The following TCF7L2 variants were observed in gnomAD, a reference collection of about 807,000 sequenced individuals.
The protein encoded by TCF7L2 is transcription factor 7 like 2.
A neutral mutation model predicts 77.9 loss-of-function variants in TCF7L2; 23 were observed. The ratio of observed to expected loss-of-function variants is 0.30; its 90% CI spans 0.21 to 0.42. The LOEUF is 0.42. Ranked by LOEUF, TCF7L2 falls within the 10% of genes least tolerant of loss-of-function variation. TCF7L2 has a pLI of 1.00. For synonymous variants in TCF7L2, 413 were observed against 340.2 expected (o/e 1.21, Z -2.36); for missense variants, 654 against 793.1 (o/e 0.82, Z 2.11).
At chr10:113,137,195 C>T (rs2067550310) in intron 5 of TCF7L2, among the ~76,000 whole-genome samples, 1 of 152,044 alleles carries the variant, frequency 6.6e-6, no homozygotes, top group African/African-American at 2.4e-5. Context: ...ATGATCTTGC[C>T]CCATAAACAA....
At chr10:112,993,247 C>A (rs754422270) in intron 4 of TCF7L2, among the ~76,000 whole-genome samples, 2 of 151,320 alleles carry the variant, frequency 1.3e-5, no homozygotes, top group Non-Finnish European at 2.9e-5. Context: ...CAGCAAGGCG[C>A]GGTGGCTCAT....
At chr10:113,028,189 G>A (rs140820620) in intron 4 of TCF7L2, among the ~76,000 whole-genome samples, 2,432 of 152,284 alleles carry the variant, frequency 0.016, 24 homozygotes, top group South Asian at 0.033. Context: ...GGGAGAGAAT[G>A]TTTATTTCCT....
chr10:112,980,776 A>G (rs958513416), intron 4 of TCF7L2, among the ~76,000 whole-genome samples: 3 of 151,836 alleles, frequency 2.0e-5, no homozygotes, highest in African/African-American at 7.3e-5. Context: ...ACAGGCATCC[A>G]CCACCACGCC....
chr10:113,002,707 G>T (rs550838962), intron 4 of TCF7L2, among the ~76,000 whole-genome samples: 86 of 152,114 alleles, frequency 5.7e-4, no homozygotes, highest in Non-Finnish European at 1.0e-3. Context: ...AGCAGGAAAA[G>T]AATCTCCTTT....
chr10:113,020,265 G>A (rs2048065654), intron 4 of TCF7L2, among the ~76,000 whole-genome samples: 1 of 152,172 alleles, frequency 6.6e-6, no homozygotes, highest in Non-Finnish European at 1.5e-5. Flanking sequence ...GATTGACGTG[G>A]GTAGGAAGAC....
At chr10:113,150,285 A>C (rs779929559) in intron 8 of TCF7L2, among the ~76,000 whole-genome samples, 4 of 152,174 alleles carry the variant, frequency 2.6e-5, no homozygotes, top group Non-Finnish European at 4.4e-5. Context: ...AATCAGAATC[A>C]AAGGTTTATT....
At chr10:112,985,427 A>T (rs1173081901) in intron 4 of TCF7L2, among the ~76,000 whole-genome samples, 1 of 152,098 alleles carries the variant, frequency 6.6e-6, no homozygotes, top group Non-Finnish European at 1.5e-5. Context: ...CCCCTCCCCC[A>T]AGACATATAA....
At chr10:113,074,910 A>G (rs890181739) in intron 5 of TCF7L2, among the ~76,000 whole-genome samples, 1 of 152,240 alleles carries the variant, frequency 6.6e-6, no homozygotes. Context: ...ACCCTCCCAA[A>G]GAATTATCAA....
Position 113,166,518 on chromosome 10 carries a change from A to G in TCF7L2, c.*546A>G, listed in dbSNP as rs971159671. On this transcript the variant is annotated 3_prime_UTR_variant, in exon 14 of 14. Transcript: ENST00000627217. ...GTTACTTGTTATTGTTTAAATGTACAGAAACAAAGGGTAAAAATGTGTTAA... is the reference window on the plus strand; with the variant it reads ...GTTACTTGTTATTGTTTAAATGTACGGAAACAAAGGGTAAAAATGTGTTAA... 1 of 219,224 alleles carries G rather than the reference A, an allele frequency of 4.6e-6. No homozygotes were observed. Among genetic ancestry groups the G allele is most frequent in the Admixed American group, 5.8e-5 (1 of 17,270 alleles). 13.6% of individuals were successfully genotyped at this position (219,224 alleles called of 1,614,324 possible).
At chr10:112,980,705 G>T (rs1051276672) in intron 4 of TCF7L2, among the ~76,000 whole-genome samples, 72 of 151,464 alleles carry the variant, frequency 4.8e-4, no homozygotes, top group African/African-American at 1.7e-3. Context: ...TTGGCTCACT[G>T]CAAGCTCCGC....
intron 11 of TCF7L2, among the ~76,000 whole-genome samples, chr10:113,155,407 G>C (rs1315341896): frequency 6.6e-6 from 1 of 152,142 alleles, no homozygotes; most frequent in Non-Finnish European, 1.5e-5. Context: ...AGGGGTAGTA[G>C]CGTGGCCACT....
intron 3 of TCF7L2, among the ~76,000 whole-genome samples, chr10:112,963,440 G>T (rs894083896): frequency 6.6e-6 from 1 of 152,204 alleles, no homozygotes; most frequent in Non-Finnish European, 1.5e-5. Context: ...TAGCACAGGA[G>T]TAGTAACGGT....
chr10:113,152,407 A>G lies in TCF7L2; in HGVS notation c.1236A>G (p.Gln412=), dbSNP rs1257331907. The G allele has an allele frequency of 1.2e-6, 2 of 1,614,218 alleles. No homozygotes were observed. The highest frequency in any genetic ancestry group is 1.7e-6 in the Non-Finnish European group (2 of 1,180,034). The stretch of plus-strand genomic sequence containing the variant: ...GGAAGGAGCGACAGCTTCATATGCA[A>G]CTGTACCCCGGCTGGTCCGCGCGGG... Residue 412 remains glutamine (Q), a synonymous_variant, in exon 11 of 14, where the codon CAA becomes CAG. Coordinates refer to ENST00000627217, the MANE Select transcript of TCF7L2 (RefSeq NM_001146274.2).
chr10:113,118,058 G>A (rs1450257026), intron 5 of TCF7L2, among the ~76,000 whole-genome samples: 1 of 149,660 alleles, frequency 6.7e-6, no homozygotes, highest in Non-Finnish European at 1.5e-5. Flanking sequence ...TGTGTTTTTC[G>A]GTCCATTTCC....
At chr10:113,024,405 G>A (rs1422354602) in intron 4 of TCF7L2, among the ~76,000 whole-genome samples, 1 of 152,154 alleles carries the variant, frequency 6.6e-6, no homozygotes, top group East Asian at 1.9e-4. Context: ...ATGGGAGTGA[G>A]TTTGCAGTGG....
intron 12 of TCF7L2, among the ~76,000 whole-genome samples, chr10:113,159,616 C>T (rs540033303): frequency 1.6e-4 from 24 of 151,782 alleles, no homozygotes; most frequent in African/African-American, 4.8e-5. Flanking sequence ...TTTGTCAGCT[C>T]GAACCAAATC....
At chr10:113,099,917 C>T (rs929552668) in intron 5 of TCF7L2, among the ~76,000 whole-genome samples, 1 of 152,126 alleles carries the variant, frequency 6.6e-6, no homozygotes, top group African/African-American at 2.4e-5. Context: ...TTTACAGCAT[C>T]TAAAATCACT....
At chr10:113,132,564 A>G (rs1034303271) in intron 5 of TCF7L2, among the ~76,000 whole-genome samples, 3 of 152,136 alleles carry the variant, frequency 2.0e-5, no homozygotes, top group African/African-American at 4.8e-5. Context: ...TCTGGAAATC[A>G]TTATTATTTG....
At chr10:113,100,510 A>C (rs2061515200) in intron 5 of TCF7L2, among the ~76,000 whole-genome samples, 1 of 151,838 alleles carries the variant, frequency 6.6e-6, no homozygotes, top group Non-Finnish European at 1.5e-5. Flanking sequence ...TGGGTGACAG[A>C]TTGCATGTTA....
Sources: gnomAD v4.1 joint callset for allele counts (sites outside exome capture counted in the v4.1 genomes callset) on GRCh38, gnomAD v4.1.1 for gene constraint, MANE v1.5 for transcripts, NCBI Gene and HGNC (gene_info 2026-07-23, HGNC 2026-07-21) for gene names.